FOXP1: variants seen among roughly 807,000 people sequenced by gnomAD.
The protein encoded by FOXP1 is forkhead box P1.
FOXP1 carries 15 observed loss-of-function variants against 98.2 expected under a neutral mutation model. That is an observed-to-expected ratio of 0.15 (90% CI 0.10 to 0.24). FOXP1 has a LOEUF of 0.24. Among genes scored for constraint, FOXP1 ranks in the 10% least tolerant of loss-of-function variants. FOXP1 has a pLI of 1.00. For synonymous variants in FOXP1, 371 were observed against 314.5 expected, an observed-to-expected ratio of 1.18 and a Z score of -1.90; for missense variants, 633 against 848.5, an observed-to-expected ratio of 0.75 and a Z score of 3.15.
intron 3 of FOXP1, among the ~76,000 whole-genome samples, chr3:71,452,790 C>T (rs2087081652): frequency 6.6e-6 from 1 of 152,114 alleles, no homozygotes; most frequent in Non-Finnish European, 1.5e-5. Flanking sequence ...AAATGAATTC[C>T]ACACACTGGC....
At chr3:71,254,162 A>T (rs1560191742) in intron 5 of FOXP1, among the ~76,000 whole-genome samples, 1 of 152,216 alleles carries the variant, frequency 6.6e-6, no homozygotes. Context: ...TGCCTTAATA[A>T]GTTACTCTGG....
At chr3:71,257,580 C>A in intron 5 of FOXP1, among the ~76,000 whole-genome samples, 1 of 123,178 alleles carries the variant, frequency 8.1e-6, no homozygotes, top group Non-Finnish European at 1.7e-5. Flanking sequence ...AGTAAAACTC[C>A]ATCTCAAAAA....
Position 70,977,885 on chromosome 3 carries a change from T to C in FOXP1, c.1291A>G (p.Thr431Ala), listed in dbSNP as rs371780146. 23 of 1,614,022 alleles carry C rather than the reference T, an allele frequency of 1.4e-5. No individual in the cohort carries two copies. In the African/African-American group the frequency reaches 2.5e-4, roughly 18 times the overall value. The change falls in exon 15 of 21, where the codon ACG (threonine) becomes GCG (alanine). Residue 431 changes from threonine (T) to alanine (A), a missense_variant. Around this residue, in one of 6 missense-constraint regions of FOXP1, gnomAD observed 141 missense variants for 199.5 expected, o/e 0.71. Transcript: ENST00000649528. ...TACCGCCTGCGGATGGGTCCCACCG[T>C]GTGCATGCTGGTGGTTGTGATGACA... Reference protein sequence around the residue: ...PSVITTTSMHTVGPIRRRYSD... With the variant: ...PSVITTTSMHAVGPIRRRYSD...
At chr3:70,967,635 CTTTCTTTT>C (rs1367801768) in intron 19 of FOXP1, among the ~76,000 whole-genome samples, 2 of 102,340 alleles carry the variant, frequency 2.0e-5, no homozygotes, top group Admixed American at 9.3e-5. Flanking sequence ...TTTTTTCTTT[CTTTCTTTT>C]TGTTTTTTTT....
At chr3:70,998,439 G>C (rs2041679009) in intron 13 of FOXP1, among the ~76,000 whole-genome samples, 1 of 152,140 alleles carries the variant, frequency 6.6e-6, no homozygotes, top group African/African-American at 2.4e-5. Flanking sequence ...CCTGGGGTCT[G>C]TGGGTTGCTA....
At chr3:71,509,147 T>G (rs1298056079) in intron 2 of FOXP1, among the ~76,000 whole-genome samples, 1 of 152,348 alleles carries the variant, frequency 6.6e-6, no homozygotes, top group Admixed American at 6.5e-5. Context: ...TAATAGAGAA[T>G]AGAGATGAAG....
chr3:71,171,465 CTTG>C (rs1013486735), intron 6 of FOXP1, among the ~76,000 whole-genome samples: 1 of 152,166 alleles, frequency 6.6e-6, no homozygotes, highest in African/African-American at 2.4e-5. Flanking sequence ...CATTTTTCCT[CTTG>C]TTGTTAGTAC....
intron 6 of FOXP1, among the ~76,000 whole-genome samples, chr3:71,155,608 T>G (rs1355704977): frequency 6.6e-6 from 1 of 152,190 alleles, no homozygotes; most frequent in Admixed American, 6.5e-5. Context: ...TAAACAGCAC[T>G]GAAAGAAATC....
chr3:71,411,915 G>A lies in FOXP1; in HGVS notation c.-167-52671C>T, dbSNP rs553378857. ...TTACCCATCCACCGACTGAGACGTGGATATGTCAAATGAGATAACTTACAT... is the reference window on the plus strand; with the variant it reads ...TTACCCATCCACCGACTGAGACGTGAATATGTCAAATGAGATAACTTACAT... On this transcript the variant is annotated intron_variant, in intron 3 of 20. Coordinates refer to ENST00000649528, the MANE Select transcript of FOXP1 (RefSeq NM_001349338.3). Among the ~76,000 whole-genome samples the A allele has an allele frequency of 2.6e-5, 4 of 152,302 alleles. No individual in the cohort carries two copies. The South Asian group carries it at 6.2e-4, about 24-fold the overall frequency.
chr3:71,294,501 C>T (rs1303627573), intron 5 of FOXP1, among the ~76,000 whole-genome samples: 1 of 152,166 alleles, frequency 6.6e-6, no homozygotes, highest in Non-Finnish European at 1.5e-5. Flanking sequence ...AGACTATCAA[C>T]TCTGTGAGGA....
chr3:71,480,192 AAAACAAAC>A (rs569513627), intron 3 of FOXP1, among the ~76,000 whole-genome samples: 3 of 152,180 alleles, frequency 2.0e-5, no homozygotes, highest in African/African-American at 2.4e-5. Flanking sequence ...CTGTCTCAAG[AAAACAAAC>A]AAACAAACAA....
At chr3:71,483,989 C>T (rs2090474472) in intron 3 of FOXP1, among the ~76,000 whole-genome samples, 1 of 152,156 alleles carries the variant, frequency 6.6e-6, no homozygotes, top group African/African-American at 2.4e-5. Context: ...CCTCATTATC[C>T]ACCAGCTCGA....
chr3:71,143,501 A>G (rs542843781), intron 6 of FOXP1, among the ~76,000 whole-genome samples: 13 of 152,334 alleles, frequency 8.5e-5, no homozygotes, highest in Middle Eastern at 3.4e-3. Context: ...GACCTTAGGC[A>G]GTGATCGAAC....
chr3:71,025,104 C>T (rs1450622478), intron 11 of FOXP1, among the ~76,000 whole-genome samples: 12 of 151,860 alleles, frequency 7.9e-5, no homozygotes, highest in East Asian at 1.9e-4. Context: ...TTAAACGAGA[C>T]GATTTATGAA....
intron 3 of FOXP1, among the ~76,000 whole-genome samples, chr3:71,491,606 A>G (rs931919111): frequency 1.3e-5 from 2 of 152,126 alleles, no homozygotes; most frequent in African/African-American, 2.4e-5. Context: ...GGAAGACAGG[A>G]GGCTGGATTT....
chr3:71,054,804 T>A (rs2050394472), intron 7 of FOXP1, among the ~76,000 whole-genome samples: 1 of 152,154 alleles, frequency 6.6e-6, no homozygotes, highest in Non-Finnish European at 1.5e-5. Context: ...CTGTATGTCT[T>A]CTAACCGTAA....
intron 2 of FOXP1, among the ~76,000 whole-genome samples, chr3:71,538,990 G>C (rs1288815394): frequency 6.6e-6 from 1 of 151,830 alleles, no homozygotes; most frequent in Non-Finnish European, 1.5e-5. Context: ...ATAAATGTAA[G>C]GGTTTATTTC....
chr3:71,106,708 C>A (rs2057463749), intron 7 of FOXP1, among the ~76,000 whole-genome samples: 1 of 151,752 alleles, frequency 6.6e-6, no homozygotes, highest in Non-Finnish European at 1.5e-5. Context: ...GATCCTCTGG[C>A]CTCAGCCTTC....
At chr3:71,343,910 C>G (rs1451345186) in intron 4 of FOXP1, among the ~76,000 whole-genome samples, 1 of 152,180 alleles carries the variant, frequency 6.6e-6, no homozygotes, top group Non-Finnish European at 1.5e-5. Flanking sequence ...CTACTGGTGT[C>G]AACACTAAGG....
Sources: allele counts gnomAD v4.1 joint callset (sites outside exome capture counted in the v4.1 genomes callset), GRCh38; gene constraint gnomAD v4.1.1; regional missense constraint gnomAD v4.1.1; transcripts MANE v1.5; gene names NCBI Gene and HGNC (gene_info 2026-07-23, HGNC 2026-07-21).